Variants in LIFR observed in about 807,000 individuals in gnomAD.
LIFR encodes LIF receptor subunit alpha.
A neutral mutation model predicts 122.2 loss-of-function variants in LIFR; 84 were observed. The observed-to-expected ratio is 0.69, with a 90% confidence interval of 0.58 to 0.82. The LOEUF (loss-of-function observed/expected upper bound fraction) is 0.82. LIFR is among the 40% of genes least tolerant of loss of function. The probability of loss-of-function intolerance (pLI) is 0.00; values close to 1 mark genes in which losing one functional copy is unlikely to be tolerated. For synonymous variants in LIFR, 422 were observed against 434.7 expected (o/e 0.97, Z 0.36); for missense variants, 1,294 against 1,311.6 (o/e 0.99, Z 0.21).
At chr5:38,576,566 G>T (rs1261934879) in intron 1 of LIFR, among the ~76,000 whole-genome samples, 1 of 152,172 alleles carries the variant, frequency 6.6e-6, no homozygotes, top group Non-Finnish European at 1.5e-5. Flanking sequence ...GCGAGCCAGC[G>T]CTGGGACTCA....
intron 1 of LIFR, chr5:38,594,816 C>T (rs1011812193): frequency 2.7e-5 from 5 of 187,274 alleles, no homozygotes; most frequent in East Asian, 1.7e-4. Flanking sequence ...GGAAAAAAAG[C>T]GAAACAATGT....
At chr5:38,505,271 G>A (rs1360185742) in intron 9 of LIFR, among the ~76,000 whole-genome samples, 3 of 152,116 alleles carry the variant, frequency 2.0e-5, no homozygotes, top group African/African-American at 7.2e-5. Context: ...TCAAGGCACA[G>A]GGATGTGACT....
At chr5:38,498,483 C>T (rs986110584) in intron 12 of LIFR, among the ~76,000 whole-genome samples, 3 of 152,092 alleles carry the variant, frequency 2.0e-5, no homozygotes, top group Non-Finnish European at 1.5e-5. Context: ...TATATCAAAC[C>T]GCCTACTGAA....
intron 10 of LIFR, among the ~76,000 whole-genome samples, chr5:38,503,033 T>TA (rs988789365): frequency 1.3e-5 from 2 of 152,050 alleles, no homozygotes; most frequent in African/African-American, 4.8e-5. Context: ...GTAATAGTAA[T>TA]AAAAAATTGG....
intron 12 of LIFR, among the ~76,000 whole-genome samples, chr5:38,497,345 G>A (rs1442509620): frequency 6.6e-6 from 1 of 152,104 alleles, no homozygotes; most frequent in Non-Finnish European, 1.5e-5. Context: ...AAATCCACTG[G>A]GAGCAGGGTA....
chr5:38,568,369 G>A lies in LIFR; in HGVS notation c.-20+26892C>T, dbSNP rs75991430. On this transcript the variant is annotated intron_variant, in intron 1 of 19. Transcript: ENST00000263409. ...ACAAGGGCCTATGGGAGTTTCTGGG[G>A]GACCAACAGGCACATGGTTGGCATG... is the stretch of plus-strand genomic sequence containing the variant. Among the ~76,000 whole-genome samples the A allele has an allele frequency of 1.9e-3, 287 of 152,256 alleles. 8 individuals carry two copies. The East Asian group carries it at 0.042, about 22-fold the overall frequency.
intron 1 of LIFR, among the ~76,000 whole-genome samples, chr5:38,607,335 T>C (rs1458904943): frequency 3.3e-5 from 5 of 152,242 alleles, no homozygotes; most frequent in Non-Finnish European, 5.9e-5. Flanking sequence ...TATCATATTC[T>C]ATGTGCATCA....
intron 14 of LIFR, chr5:38,490,596 C>G (rs1744533312): frequency 5.7e-6 from 1 of 174,498 alleles, no homozygotes; most frequent in Non-Finnish European, 1.2e-5. Context: ...ATCATCATTG[C>G]TTGATTTTTT....
chr5:38,555,903 C>A (rs1196648048), intron 1 of LIFR, among the ~76,000 whole-genome samples: 1 of 152,188 alleles, frequency 6.6e-6, no homozygotes, highest in East Asian at 1.9e-4. Context: ...AACCAGTACA[C>A]CACCTTCGGA....
At chr5:38,596,920 A>C (rs529082029), upstream of LIFR, among the ~76,000 whole-genome samples, 1 of 152,322 alleles carries the variant, frequency 6.6e-6, no homozygotes, top group African/African-American at 2.4e-5. Context: ...AAGAAAAAAA[A>C]AAAATGCTTC....
Position 38,477,925 on chromosome 5 carries a change from G to C in LIFR, c.*3670C>G, listed in dbSNP as rs1743800816. 4.7e-6 allele frequency: 1 copy of C among 214,394 alleles called. No individual in the cohort carries two copies. Among genetic ancestry groups the C allele is most frequent in the African/African-American group, 2.3e-5 (1 of 43,762 alleles). The allele number at this position is 214,394 out of a possible 1,614,324, so 13.3% of individuals were successfully genotyped here. On this transcript the variant is annotated 3_prime_UTR_variant, in exon 20 of 20. Coordinates refer to ENST00000453190, the MANE Select transcript of LIFR (RefSeq NM_001127671.2). ...ACAAATTTTAACATAATTCAAAATA[G>C]AGAATAGCAAAAATAACCTTAGAGC...
At chr5:38,493,862 GT>G in intron 13 of LIFR, 77 bp from the exon 14 acceptor site, 1 of 1,209,350 alleles carries the variant, frequency 8.3e-7, no homozygotes, top group Non-Finnish European at 1.2e-6. Context: ...ATGGACATGA[GT>G]TAGAAAAATC....
chr5:38,548,680 A>C (rs1748027487), intron 1 of LIFR, among the ~76,000 whole-genome samples: 1 of 152,212 alleles, frequency 6.6e-6, no homozygotes, highest in Admixed American at 6.5e-5. Flanking sequence ...ACCTTCAAAA[A>C]TTTATACAGG....
chr5:38,536,001 C>T (rs193044628), intron 1 of LIFR, among the ~76,000 whole-genome samples: 1 of 152,268 alleles, frequency 6.6e-6, no homozygotes, highest in African/African-American at 2.4e-5. Context: ...CAAGGTAGTC[C>T]ACAGTTTCAA....
At chr5:38,603,423 A>C (rs1033653924) in intron 2 of LIFR, among the ~76,000 whole-genome samples, 6 of 152,204 alleles carry the variant, frequency 3.9e-5, no homozygotes, top group Admixed American at 6.5e-5. Flanking sequence ...TGGTCAAATA[A>C]ATTTTGGAAA....
intron 12 of LIFR, among the ~76,000 whole-genome samples, chr5:38,498,945 T>C (rs1233258537): frequency 6.6e-6 from 1 of 152,220 alleles, no homozygotes; most frequent in Non-Finnish European, 1.5e-5. Flanking sequence ...TTATGACTGC[T>C]TGTGTAAAAT....
At position 38,496,575 on chromosome 5, in the gene LIFR, A is replaced by C; in HGVS notation, c.1692T>G (p.Ala564=). ...IYWKPLPINE[A]NGKILSYNVS... Reference sequence around the variant, plus strand: ...CATTGTAGGAAAGTATTTTTCCATTAGCTTCATTAATGGGTAAAGGCTATG... The same window carrying C: ...CATTGTAGGAAAGTATTTTTCCATTCGCTTCATTAATGGGTAAAGGCTATG... Residue 564 remains alanine (A), a synonymous_variant, in exon 13 of 20, where the codon GCT becomes GCG. Transcript: ENST00000453190. 1 of 1,612,620 alleles carries C rather than the reference A, an allele frequency of 6.2e-7. No individual in the cohort carries two copies.
chr5:38,548,066 C>G (rs1747994490), intron 1 of LIFR, among the ~76,000 whole-genome samples: 1 of 151,962 alleles, frequency 6.6e-6, no homozygotes, highest in African/African-American at 2.4e-5. Flanking sequence ...TCAGTAAGAT[C>G]ATGTGCTAGA....
At chr5:38,548,678 A>G (rs1748027333) in intron 1 of LIFR, among the ~76,000 whole-genome samples, 1 of 152,226 alleles carries the variant, frequency 6.6e-6, no homozygotes, top group Admixed American at 6.5e-5. Flanking sequence ...TGACCTTCAA[A>G]AATTTATACA....
Sources: allele counts gnomAD v4.1 joint callset (sites outside exome capture counted in the v4.1 genomes callset), GRCh38; gene constraint gnomAD v4.1.1; transcripts MANE v1.5; gene names NCBI Gene and HGNC (gene_info 2026-07-23, HGNC 2026-07-21).